Variants in TUSC3 observed in about 807,000 individuals in gnomAD.
The protein encoded by TUSC3 is dolichyl-diphosphooligosaccharide--protein glycosyltransferase subunit TUSC3.
TUSC3 carries 45 observed loss-of-function variants against 44.8 expected under a neutral mutation model. The ratio of observed to expected loss-of-function variants is 1.00; its 90% CI spans 0.79 to 1.29. The LOEUF (loss-of-function observed/expected upper bound fraction) is 1.29. Ranked by LOEUF, TUSC3 falls within the 50% of genes most tolerant of loss-of-function variation. The pLI is 0.00. For synonymous variants in TUSC3, 212 were observed against 152.9 expected, an observed-to-expected ratio of 1.39 and a Z score of -2.85; for missense variants, 519 against 437.9, an observed-to-expected ratio of 1.19 and a Z score of -1.65.
the TUSC3 span, among the ~76,000 whole-genome samples, chr8:15,823,894 G>A: frequency 6.6e-6 from 1 of 152,202 alleles, no homozygotes; most frequent in Non-Finnish European, 1.5e-5. Context: ...ATTTATTAGT[G>A]TAGTTTCCGC....
At chr8:15,735,602 C>T (rs921654759) in intron 7 of TUSC3, among the ~76,000 whole-genome samples, 2 of 152,132 alleles carry the variant, frequency 1.3e-5, no homozygotes, top group African/African-American at 2.4e-5. Context: ...GTGAATAGGC[C>T]AGTAATGTTC....
the TUSC3 span, among the ~76,000 whole-genome samples, chr8:15,808,604 G>GT: frequency 2.0e-5 from 3 of 151,974 alleles, no homozygotes; most frequent in Admixed American, 6.5e-5. Context: ...TTCCACGAAG[G>GT]TAAGAACATG....
intron 1 of TUSC3, among the ~76,000 whole-genome samples, chr8:15,429,163 G>C (rs2129116570): frequency 6.6e-6 from 1 of 152,208 alleles, no homozygotes; most frequent in East Asian, 1.9e-4. Flanking sequence ...GTAAGGAAGG[G>C]ATCCAGTTTC....
intron 6 of TUSC3, among the ~76,000 whole-genome samples, 198 bp downstream of exon 6, chr8:15,674,034 G>A (rs1423218267): frequency 2.0e-5 from 3 of 151,914 alleles, no homozygotes; most frequent in Non-Finnish European, 4.4e-5. Context: ...GTTAGGATGA[G>A]GGCTGCTTTA....
chr8:15,780,485 C>T, the TUSC3 span, among the ~76,000 whole-genome samples: 1 of 152,174 alleles, frequency 6.6e-6, no homozygotes, highest in Non-Finnish European at 1.5e-5. Flanking sequence ...GACACACAAA[C>T]ACTTGCAGGG....
chr8:15,780,286 C>G, the TUSC3 span, among the ~76,000 whole-genome samples: 1 of 152,058 alleles, frequency 6.6e-6, no homozygotes, highest in Admixed American at 6.6e-5. Flanking sequence ...AGGTACTGCA[C>G]AATACAGTTG....
chr8:15,651,738 G>T (rs946782090), intron 3 of TUSC3, among the ~76,000 whole-genome samples: 6 of 152,104 alleles, frequency 3.9e-5, no homozygotes, highest in Non-Finnish European at 7.4e-5. Flanking sequence ...ACCTACTCTG[G>T]AATTTTCTGT....
intron 1 of TUSC3, among the ~76,000 whole-genome samples, chr8:15,564,097 A>C (rs139091302): frequency 2.3e-4 from 35 of 152,250 alleles, no homozygotes; most frequent in African/African-American, 8.2e-4. Context: ...AATTACTTGA[A>C]GTTTCAAAAT....
chr8:15,599,802 C>A (rs1804210703), intron 1 of TUSC3, among the ~76,000 whole-genome samples: 1 of 150,014 alleles, frequency 6.7e-6, no homozygotes, highest in African/African-American at 2.4e-5. Context: ...ACCCCACTGT[C>A]TTTATTATTG....
chr8:15,470,130 C>G (rs528808012), intron 1 of TUSC3, among the ~76,000 whole-genome samples: 79 of 151,886 alleles, frequency 5.2e-4, no homozygotes, highest in Middle Eastern at 3.4e-3. Flanking sequence ...AAAAATTAGC[C>G]TAGGCATGGT....
chr8:15,579,306 C>G (rs1803234769), intron 1 of TUSC3, among the ~76,000 whole-genome samples: 1 of 136,790 alleles, frequency 7.3e-6, no homozygotes. Flanking sequence ...TTTTTTGTGT[C>G]TCTATTTCCT....
chr8:15,769,336 C>A (rs1263830529), downstream of TUSC3, among the ~76,000 whole-genome samples: 1 of 152,088 alleles, frequency 6.6e-6, no homozygotes, highest in African/African-American at 2.4e-5. Flanking sequence ...GAAAGGATTC[C>A]CTATTTAATA....
Position 15,673,824 on chromosome 8 carries a change from C to T in TUSC3, c.786C>T (p.His262=), listed in dbSNP as rs1808064049. The T allele has an allele frequency of 1.2e-6, 2 of 1,612,188 alleles. No homozygotes were observed. Among genetic ancestry groups the T allele is most frequent in the African/African-American group, 2.7e-5 (2 of 74,942 alleles). Reference sequence around the variant, plus strand: ...CTCCATATGCTCATAAGAACCCACACAATGGACAAGTGGTAAGTGTAATTT... The same window carrying T: ...CTCCATATGCTCATAAGAACCCACATAATGGACAAGTGGTAAGTGTAATTT... ...RGPPYAHKNP[H]NGQVSYIHGS... Residue 262 remains histidine (H), a synonymous_variant, in exon 6 of 11, where the codon CAC becomes CAT. Coordinates refer to ENST00000503731, the MANE Select transcript of TUSC3 (RefSeq NM_006765.4).
chr8:15,713,884 A>G (rs768316154), intron 6 of TUSC3, among the ~76,000 whole-genome samples: 21 of 152,166 alleles, frequency 1.4e-4, no homozygotes, highest in Admixed American at 2.0e-4. Flanking sequence ...TACTCAGTTG[A>G]CATTTGTTAA....
At chr8:15,850,111 C>CTTT in the TUSC3 span, among the ~76,000 whole-genome samples, 2,813 of 145,276 alleles carry the variant, frequency 0.019, 100 homozygotes, top group African/African-American at 0.066. Flanking sequence ...CTTGTTTATC[C>CTTT]TTTTTTTTTT....
At chr8:15,426,205 C>G (rs1799801574) in intron 1 of TUSC3, among the ~76,000 whole-genome samples, 2 of 152,166 alleles carry the variant, frequency 1.3e-5, no homozygotes, top group African/African-American at 4.8e-5. Context: ...TCCACAACCT[C>G]TCAGTTTCCT....
At chr8:15,737,270 C>G (rs963327337) in intron 7 of TUSC3, among the ~76,000 whole-genome samples, 1 of 152,050 alleles carries the variant, frequency 6.6e-6, no homozygotes, top group Non-Finnish European at 1.5e-5. Context: ...TTTTCAACGT[C>G]TATTTACATT....
At chr8:15,502,673 A>G (rs533783398) in intron 2 of TUSC3, among the ~76,000 whole-genome samples, 31 of 152,206 alleles carry the variant, frequency 2.0e-4, no homozygotes, top group African/African-American at 7.0e-4. Flanking sequence ...TTGTATTTTT[A>G]GTAGAGTCAG....
chr8:15,744,198 T>C (rs763735687), intron 8 of TUSC3, among the ~76,000 whole-genome samples: 2 of 152,200 alleles, frequency 1.3e-5, no homozygotes, highest in South Asian at 2.1e-4. Context: ...GGCATTATGT[T>C]TTTAAGCAAG....
Sources: allele counts gnomAD v4.1 joint callset (sites outside exome capture counted in the v4.1 genomes callset), GRCh38; gene constraint gnomAD v4.1.1; transcripts MANE v1.5; gene names NCBI Gene and HGNC (gene_info 2026-07-23, HGNC 2026-07-21).